Variants in SYNPR observed in about 807,000 individuals in gnomAD.
SYNPR encodes the protein synaptoporin.
A neutral mutation model predicts 32.9 loss-of-function variants in SYNPR; 23 were observed. The observed-to-expected ratio is 0.70, with a 90% CI of 0.50 to 0.99. The LOEUF is 0.99. Among genes scored for constraint, SYNPR ranks in the 50% least tolerant of loss-of-function variants. The probability of loss-of-function intolerance (pLI) is 0.00; values close to 1 mark genes in which losing one functional copy is unlikely to be tolerated. For synonymous variants in SYNPR, 146 were observed against 135.9 expected, an observed-to-expected ratio of 1.07 and a Z score of -0.52; for missense variants, 318 against 349.3, an observed-to-expected ratio of 0.91 and a Z score of 0.71.
intron 2 of SYNPR, among the ~76,000 whole-genome samples, chr3:63,378,496 G>A (rs1190375836): frequency 1.3e-5 from 2 of 151,864 alleles, no homozygotes; most frequent in Non-Finnish European, 2.9e-5. Context: ...GTTCTCTACT[G>A]TATTCTATTT....
At chr3:63,442,933 A>G (rs926835462) in intron 2 of SYNPR, 20 of 619,820 alleles carry the variant, frequency 3.2e-5, no homozygotes, top group Middle Eastern at 8.4e-4. Flanking sequence ...TAAAACCACC[A>G]TTTTTCCCCA....
intron 4 of SYNPR, among the ~76,000 whole-genome samples, chr3:63,568,355 T>C (rs886330507): frequency 2.0e-5 from 3 of 152,156 alleles, no homozygotes; most frequent in African/African-American, 7.2e-5. Flanking sequence ...ATTTTTTACC[T>C]GGAAGTGGAG....
intron 4 of SYNPR, among the ~76,000 whole-genome samples, chr3:63,569,860 CTGCAA>C (rs1447460131): frequency 6.6e-6 from 1 of 152,182 alleles, no homozygotes; most frequent in Non-Finnish European, 1.5e-5. Flanking sequence ...CCTGGGGTAT[CTGCAA>C]TGCCCGCAGT....
chr3:63,579,362 A>G (rs1703049261), intron 4 of SYNPR, among the ~76,000 whole-genome samples: 1 of 152,056 alleles, frequency 6.6e-6, no homozygotes, highest in Admixed American at 6.6e-5. Flanking sequence ...TGTTTATGCA[A>G]AACCCACCTT....
intron 2 of SYNPR, among the ~76,000 whole-genome samples, chr3:63,311,251 T>C (rs1380862652): frequency 2.0e-5 from 3 of 152,058 alleles, no homozygotes; most frequent in Non-Finnish European, 4.4e-5. Context: ...ATTTTATCTG[T>C]TCCCCTGACA....
intron 2 of SYNPR, among the ~76,000 whole-genome samples, chr3:63,414,608 G>C (rs1248155973): frequency 6.6e-6 from 1 of 152,156 alleles, no homozygotes; most frequent in South Asian, 2.1e-4. Flanking sequence ...CAAAAAGATA[G>C]GGAATTTTTT....
intron 2 of SYNPR, among the ~76,000 whole-genome samples, chr3:63,408,996 CT>C (rs1402232695): frequency 1.3e-5 from 2 of 152,038 alleles, no homozygotes; most frequent in Admixed American, 6.6e-5. Context: ...ATCTTAAGTT[CT>C]TCTACCCTCT....
intron 2 of SYNPR, among the ~76,000 whole-genome samples, chr3:63,338,812 C>T (rs1294311045): frequency 6.6e-6 from 1 of 152,202 alleles, no homozygotes; most frequent in African/African-American, 2.4e-5. Context: ...GAAGCAGGGA[C>T]ATGTTCAGAA....
chr3:63,334,363 A>G (rs2087261578), intron 2 of SYNPR, among the ~76,000 whole-genome samples: 1 of 152,224 alleles, frequency 6.6e-6, no homozygotes, highest in African/African-American at 2.4e-5. Context: ...GCTACAAAGA[A>G]GAGTCCTGTG....
chr3:63,611,606 T>A (rs1700198524), intron 5 of SYNPR, among the ~76,000 whole-genome samples: 1 of 152,216 alleles, frequency 6.6e-6, no homozygotes, highest in Non-Finnish European at 1.5e-5. Flanking sequence ...CCTCCATCTC[T>A]CATCTCTCTT....
chr3:63,263,050 G>A (rs1455362585), intron 2 of SYNPR, among the ~76,000 whole-genome samples: 1 of 152,190 alleles, frequency 6.6e-6, no homozygotes, highest in Admixed American at 6.5e-5. Context: ...GGCTGGAGAT[G>A]GAGTAAACTT....
intron 2 of SYNPR, among the ~76,000 whole-genome samples, chr3:63,365,531 T>A (rs2087719626): frequency 6.6e-6 from 1 of 152,164 alleles, no homozygotes; most frequent in Non-Finnish European, 1.5e-5. Context: ...CACGGGGAAA[T>A]AAAACTGAAG....
intron 2 of SYNPR, among the ~76,000 whole-genome samples, chr3:63,253,834 T>A (rs1315240563): frequency 6.6e-6 from 1 of 152,208 alleles, no homozygotes; most frequent in Non-Finnish European, 1.5e-5. Context: ...CCCAAAGGAT[T>A]ATAAAACATG....
intron 3 of SYNPR, among the ~76,000 whole-genome samples, chr3:63,485,144 G>A (rs1470605545): frequency 6.6e-6 from 1 of 152,052 alleles, no homozygotes; most frequent in African/African-American, 2.4e-5. Context: ...TCATCATCAT[G>A]AAGTCACATC....
chr3:63,549,505 C>T (rs946134668), intron 3 of SYNPR, among the ~76,000 whole-genome samples: 1 of 152,166 alleles, frequency 6.6e-6, no homozygotes, highest in South Asian at 2.1e-4. Context: ...CTTTCCAAGC[C>T]TCAGTTTCCT....
chr3:63,602,401 T>C (rs1162863324), intron 4 of SYNPR, among the ~76,000 whole-genome samples: 2 of 152,214 alleles, frequency 1.3e-5, no homozygotes, highest in African/African-American at 4.8e-5. Context: ...GCTTTTGGTG[T>C]TTTCATCATG....
rs1479689440 is a variant in SYNPR at position 63,395,444 on chromosome 3, A to G, written c.85-85388A>G. On this transcript the variant is annotated intron_variant, in intron 2 of 5. Transcript: ENST00000478300. The stretch of plus-strand genomic sequence containing the variant: ...CAAAAATGCTAGCTTCTGTTTATTC[A>G]GTAATTGCTGTGTGCCAGGCACTGT... Among the ~76,000 whole-genome samples the G allele has an allele frequency of 3.9e-5, 6 of 152,314 alleles. No individual in the cohort carries two copies. The East Asian group carries it at 1.2e-3, about 29-fold the overall frequency.
chr3:63,569,012 G>A (rs903062008), intron 4 of SYNPR, among the ~76,000 whole-genome samples: 1 of 152,194 alleles, frequency 6.6e-6, no homozygotes, highest in African/African-American at 2.4e-5. Context: ...GATGGTAGAT[G>A]CTTAGTAACA....
intron 4 of SYNPR, among the ~76,000 whole-genome samples, chr3:63,606,656 C>A (rs1700127699): frequency 6.6e-6 from 1 of 151,914 alleles, no homozygotes; most frequent in Non-Finnish European, 1.5e-5. Flanking sequence ...GTCTTGAACT[C>A]CTGGGTTCAA....
Sources: allele counts gnomAD v4.1 joint callset (sites outside exome capture counted in the v4.1 genomes callset), GRCh38; gene constraint gnomAD v4.1.1; transcripts MANE v1.5; gene names NCBI Gene and HGNC (gene_info 2026-07-23, HGNC 2026-07-21).